Variants in RABGAP1L observed in about 807,000 individuals in gnomAD.
RABGAP1L encodes RAB GTPase activating protein 1 like.
A neutral mutation model predicts 137.7 loss-of-function variants in RABGAP1L; 63 were observed. The ratio of observed to expected loss-of-function variants is 0.46; its 90% CI spans 0.37 to 0.56. RABGAP1L has a LOEUF of 0.56. RABGAP1L is among the 20% of genes least tolerant of loss of function. RABGAP1L has a pLI of 0.00. For missense variants in RABGAP1L, 1,095 were observed against 1,244.0 expected, an observed-to-expected ratio of 0.88 and a Z score of 1.80; for synonymous variants, 431 against 433.7, an observed-to-expected ratio of 0.99 and a Z score of 0.08.
intron 13 of RABGAP1L, among the ~76,000 whole-genome samples, chr1:174,567,027 A>G (rs1233197389): frequency 6.6e-6 from 1 of 152,130 alleles, no homozygotes; most frequent in Admixed American, 6.6e-5. Flanking sequence ...TACATATTGT[A>G]TACTGATAAG....
chr1:174,529,157 T>C (rs1247863560), intron 13 of RABGAP1L, among the ~76,000 whole-genome samples: 1 of 152,092 alleles, frequency 6.6e-6, no homozygotes, highest in Non-Finnish European at 1.5e-5. Flanking sequence ...GATTGGGATG[T>C]TTCTGGGGAA....
Position 174,399,184 on chromosome 1 carries a change from A to T in RABGAP1L, c.1710+5039A>T, listed in dbSNP as rs372171704. ...CATTGTCTTCCTTGCATTATAGTAA[A>T]ATGAATAATGTCATTTTTTCTAAAA... is the stretch of plus-strand genomic sequence containing the variant. On this transcript the variant is annotated intron_variant, in intron 13 of 25. Transcript: ENST00000681986. Among the ~76,000 whole-genome samples the T allele has an allele frequency of 1.3e-4, 20 of 152,230 alleles. 2 individuals carry two copies. The highest frequency in any genetic ancestry group is 1.0e-3 in the Admixed American group (16 of 15,280).
chr1:174,511,160 G>T (rs1662294887), intron 13 of RABGAP1L, among the ~76,000 whole-genome samples: 1 of 152,206 alleles, frequency 6.6e-6, no homozygotes, highest in South Asian at 2.1e-4. Flanking sequence ...CTTCAGTTAT[G>T]TGGAAGAATG....
chr1:174,440,964 G>A (rs1466711374), intron 13 of RABGAP1L, among the ~76,000 whole-genome samples: 1 of 151,846 alleles, frequency 6.6e-6, no homozygotes, highest in Non-Finnish European at 1.5e-5. Context: ...GTCCTTTCTG[G>A]CTTTGCTGTT....
intron 18 of RABGAP1L, among the ~76,000 whole-genome samples, chr1:174,792,123 C>A (rs982966239): frequency 2.0e-5 from 3 of 152,224 alleles, no homozygotes; most frequent in African/African-American, 7.2e-5. Flanking sequence ...CTTCCTGACT[C>A]TGCCTCTGAC....
At chr1:174,537,950 A>G (rs1488648845) in intron 13 of RABGAP1L, among the ~76,000 whole-genome samples, 6 of 152,120 alleles carry the variant, frequency 3.9e-5, no homozygotes, top group African/African-American at 1.4e-4. Context: ...TCCACCTTTT[A>G]AAAATGCTGC....
chr1:174,375,089 C>T (rs1035363987), intron 12 of RABGAP1L, among the ~76,000 whole-genome samples: 12 of 152,048 alleles, frequency 7.9e-5, no homozygotes, highest in African/African-American at 2.9e-4. Context: ...TAGAGACAGA[C>T]ATTGGATTTT....
chr1:174,623,243 A>C (rs1383794479), intron 13 of RABGAP1L, among the ~76,000 whole-genome samples: 1 of 152,222 alleles, frequency 6.6e-6, no homozygotes, highest in Non-Finnish European at 1.5e-5. Context: ...ATATCTAAAT[A>C]GAGAAAATTT....
chr1:174,722,928 T>C lies in RABGAP1L; in HGVS notation c.2169+20672T>C, dbSNP rs371792355. ...GGCTCTATTTTGGCCTCAGCCAATA[T>C]GTTGTGCTCTATATTAGGCAAGTCA... On this transcript the variant is annotated intron_variant, in intron 17 of 25. Coordinates refer to ENST00000681986, the MANE Select transcript of RABGAP1L (RefSeq NM_001366446.1). 1.5e-4 allele frequency among the ~76,000 whole-genome samples: 23 copies of C among 152,326 alleles called. No individual in the cohort carries two copies. The East Asian group carries it at 3.3e-3, about 22-fold the overall frequency.
chr1:174,812,549 C>A (rs1320995337), intron 19 of RABGAP1L, among the ~76,000 whole-genome samples: 1 of 152,202 alleles, frequency 6.6e-6, no homozygotes, highest in Non-Finnish European at 1.5e-5. Flanking sequence ...GATGTTAATT[C>A]TTATACCTCT....
At chr1:174,402,867 A>T (rs183379299) in intron 13 of RABGAP1L, among the ~76,000 whole-genome samples, 2 of 152,302 alleles carry the variant, frequency 1.3e-5, no homozygotes, top group Non-Finnish European at 2.9e-5. Flanking sequence ...GCCATTTGAA[A>T]TGGAGATTGT....
chr1:174,479,651 A>C (rs1045963544), intron 13 of RABGAP1L, among the ~76,000 whole-genome samples: 3 of 152,232 alleles, frequency 2.0e-5, no homozygotes, highest in African/African-American at 7.2e-5. Context: ...GGGAAGCAGT[A>C]GTATAAATTT....
intron 18 of RABGAP1L, among the ~76,000 whole-genome samples, chr1:174,775,767 A>C (rs1356444764): frequency 6.6e-6 from 1 of 152,150 alleles, no homozygotes; most frequent in African/African-American, 2.4e-5. Flanking sequence ...ATCTGCTCAA[A>C]GTCAAGAATA....
intron 13 of RABGAP1L, among the ~76,000 whole-genome samples, chr1:174,618,704 G>C (rs1672145828): frequency 6.6e-6 from 1 of 152,146 alleles, no homozygotes; most frequent in African/African-American, 2.4e-5. Flanking sequence ...AAACAGAGCA[G>C]AAAAAATGGA....
chr1:174,457,704 T>G (rs1036882570), intron 13 of RABGAP1L, among the ~76,000 whole-genome samples: 14 of 152,058 alleles, frequency 9.2e-5, no homozygotes, highest in African/African-American at 3.4e-4. Context: ...GGTTTGACCA[T>G]GTTGGCCAGG....
intron 22 of RABGAP1L, among the ~76,000 whole-genome samples, chr1:174,977,150 TTCCACTAAAGTTACATGTGGA>T (rs1670714719): frequency 6.6e-6 from 1 of 152,158 alleles, no homozygotes; most frequent in Admixed American, 6.5e-5. Flanking sequence ...AGAAAAAAAG[TTCCACTAAAGTTACATGTGGA>T]GGAATGTGTC....
intron 13 of RABGAP1L, among the ~76,000 whole-genome samples, chr1:174,627,202 G>A (rs1471293896): frequency 6.6e-6 from 1 of 152,168 alleles, no homozygotes; most frequent in Non-Finnish European, 1.5e-5. Flanking sequence ...GTGTTCATTT[G>A]ACAGGATATT....
Position 174,403,208 on chromosome 1 carries a change from A to AGTGTGTGTGTGTGT in RABGAP1L, c.1710+9090_1710+9103dup, listed in dbSNP as rs201238291. 6.3e-5 allele frequency among the ~76,000 whole-genome samples: 8 copies of AGTGTGTGTGTGTGT among 126,730 alleles called. No individual in the cohort carries two copies. In the East Asian group the frequency reaches 1.3e-3, roughly 21 times the overall value. 83.1% of individuals were successfully genotyped at this position (126,730 alleles called of 152,430 possible). The stretch of plus-strand genomic sequence containing the variant: ...GAAAGTGTATGTGGTTATATATGAG[A>AGTGTGTGTGTGTGT]GTGTGTGTGTGTGTGTGTGTGTGTG... On this transcript the variant is annotated intron_variant, in intron 13 of 25. Transcript: ENST00000681986.
At chr1:174,794,332 T>A (rs1156279108) in intron 18 of RABGAP1L, among the ~76,000 whole-genome samples, 1 of 152,220 alleles carries the variant, frequency 6.6e-6, no homozygotes, top group Non-Finnish European at 1.5e-5. Flanking sequence ...TATCCAAAGT[T>A]CTTTTTGTCT....
Sources: gnomAD v4.1 joint callset for allele counts (sites outside exome capture counted in the v4.1 genomes callset) on GRCh38, gnomAD v4.1.1 for gene constraint, MANE v1.5 for transcripts, NCBI Gene and HGNC (gene_info 2026-07-23, HGNC 2026-07-21) for gene names.